BNC2: variants seen among roughly 807,000 people sequenced by gnomAD.
BNC2 encodes the protein zinc finger protein basonuclin-2.
BNC2 carries 20 observed loss-of-function variants against 76.3 expected under a neutral mutation model. The ratio of observed to expected loss-of-function variants is 0.26; its 90% confidence interval spans 0.18 to 0.38. The LOEUF is 0.38. Among genes scored for constraint, BNC2 ranks in the 10% least tolerant of loss-of-function variants. The pLI is 1.00. For missense variants in BNC2, 1,382 were observed against 1,399.8 expected (o/e 0.99, Z 0.20); for synonymous variants, 582 against 514.8 (o/e 1.13, Z -1.77).
At chr9:16,767,171 G>A (rs1242530492) in intron 1 of BNC2, among the ~76,000 whole-genome samples, 1 of 152,222 alleles carries the variant, frequency 6.6e-6, no homozygotes, top group Admixed American at 6.5e-5. Context: ...CAGAAAGCCA[G>A]ATGGTAGACT....
Position 16,665,458 on chromosome 9 carries a change from GAA to G in BNC2, c.330+62337_330+62338del, listed in dbSNP as rs753316072. ...GAAAAGAAAGAAAGAAAGAAAGAAA[GAA>G]AGAAAGAAAGAAAGAAAGAAAGAAA... On this transcript the variant is annotated intron_variant, in intron 3 of 6. Transcript: ENST00000380672. Among the ~76,000 whole-genome samples, 449 of 117,118 alleles carry G rather than the reference GAA, an allele frequency of 3.8e-3. 5 individuals carry two copies. The highest frequency in any genetic ancestry group is 0.014 in the African/African-American group (430 of 30,550). The allele number at this position is 117,118 out of a possible 152,430, so 76.8% of individuals were successfully genotyped here. A position where few individuals can be genotyped will look rare whatever the true frequency, so the allele number is the denominator to read the frequency against.
At chr9:16,629,283 C>T (rs1821091690) in intron 3 of BNC2, among the ~76,000 whole-genome samples, 1 of 152,110 alleles carries the variant, frequency 6.6e-6, no homozygotes, top group Non-Finnish European at 1.5e-5. Context: ...TTTATTTACA[C>T]CATAGTTGTG....
intron 3 of BNC2, chr9:16,726,949 G>A (rs1824345761): frequency 6.6e-6 from 1 of 152,278 alleles, no homozygotes; most frequent in South Asian, 2.1e-4. Flanking sequence ...GTATCACGGA[G>A]CGCATGGTAC....
At position 16,478,190 on chromosome 9, in the gene BNC2, T is replaced by C. The variant is rs147905481; in HGVS notation, c.670-40666A>G. 3.9e-5 allele frequency among the ~76,000 whole-genome samples: 6 copies of C among 152,292 alleles called. No individual in the cohort carries two copies. In the East Asian group the frequency reaches 9.7e-4, roughly 25 times the overall value. On this transcript the variant is annotated intron_variant, in intron 5 of 6. Transcript: ENST00000380672. ...TGAGATATTAACAAAAGCAATATGC[T>C]TCCTGGTCCACGTGGAAGCCCTTAC...
chr9:16,720,833 C>A (rs1824134691), intron 3 of BNC2, among the ~76,000 whole-genome samples: 1 of 152,104 alleles, frequency 6.6e-6, no homozygotes, highest in Non-Finnish European at 1.5e-5. Context: ...CGATTCCTCT[C>A]TTCTCCTGAT....
chr9:16,463,551 C>T (rs1221018207), intron 5 of BNC2, among the ~76,000 whole-genome samples: 1 of 143,590 alleles, frequency 7.0e-6, no homozygotes, highest in Non-Finnish European at 1.5e-5. Flanking sequence ...CCGCCTCGGC[C>T]TCCCAAAGTG....
chr9:16,556,758 C>G (rs997067574), intron 4 of BNC2, among the ~76,000 whole-genome samples: 1 of 136,256 alleles, frequency 7.3e-6, no homozygotes, highest in African/African-American at 3.3e-5. Context: ...CAGAGCGAGA[C>G]TCTAACTCAA....
At chr9:16,547,734 C>A (rs931193048) in intron 5 of BNC2, among the ~76,000 whole-genome samples, 5 of 152,082 alleles carry the variant, frequency 3.3e-5, no homozygotes, top group African/African-American at 4.8e-5. Flanking sequence ...ACCTTACATG[C>A]AAATAGCTCA....
intron 2 of BNC2, among the ~76,000 whole-genome samples, chr9:16,731,462 A>G (rs1824501613): frequency 6.6e-6 from 1 of 152,174 alleles, no homozygotes; most frequent in Non-Finnish European, 1.5e-5. Flanking sequence ...ACACCACATA[A>G]GTAGAAATAT....
intron 3 of BNC2, among the ~76,000 whole-genome samples, chr9:16,615,914 A>T (rs771941428): frequency 2.0e-5 from 3 of 152,212 alleles, no homozygotes; most frequent in Non-Finnish European, 4.4e-5. Flanking sequence ...ACTAAGGGTC[A>T]AGGAGATTAA....
At chr9:16,869,393 A>G (rs1349419824) in intron 1 of BNC2, among the ~76,000 whole-genome samples, 2 of 148,342 alleles carry the variant, frequency 1.3e-5, no homozygotes, top group African/African-American at 2.5e-5. Context: ...TACTGTAACC[A>G]CAGTCCTGGG....
At chr9:16,435,516 T>C (rs1587021426) in intron 6 of BNC2, 39 bp downstream of exon 6, 1 of 1,610,896 alleles carries the variant, frequency 6.2e-7, no homozygotes. Context: ...ACTGGCACCC[T>C]CCACCCCCAG....
At chr9:16,671,041 G>A (rs557283067) in intron 3 of BNC2, among the ~76,000 whole-genome samples, 1 of 152,214 alleles carries the variant, frequency 6.6e-6, no homozygotes, top group East Asian at 1.9e-4. Context: ...CGGCCATACG[G>A]ATCAAGGGAA....
chr9:16,710,514 C>G (rs1823805749), intron 3 of BNC2, among the ~76,000 whole-genome samples: 1 of 152,136 alleles, frequency 6.6e-6, no homozygotes, highest in African/African-American at 2.4e-5. Flanking sequence ...ACTATTTTCC[C>G]TTTTCATAAA....
chr9:16,601,024 C>T (rs1231145849), intron 3 of BNC2, among the ~76,000 whole-genome samples: 1 of 152,120 alleles, frequency 6.6e-6, no homozygotes, highest in African/African-American at 2.4e-5. Context: ...TTGGAAGGGG[C>T]AAGAGGAGTC....
At chr9:16,573,083 C>T (rs1819372631) in intron 4 of BNC2, among the ~76,000 whole-genome samples, 1 of 151,786 alleles carries the variant, frequency 6.6e-6, no homozygotes, top group Admixed American at 6.6e-5. Flanking sequence ...CAAAAATTAG[C>T]TGGGCGTGGT....
intron 1 of BNC2, among the ~76,000 whole-genome samples, chr9:16,819,961 C>T (rs759103509): frequency 3.3e-5 from 5 of 151,744 alleles, no homozygotes; most frequent in Non-Finnish European, 4.4e-5. Context: ...CCCAGCTCTA[C>T]TAAAAATACA....
intron 1 of BNC2, among the ~76,000 whole-genome samples, chr9:16,804,033 C>A (rs953141481): frequency 2.6e-5 from 4 of 152,182 alleles, no homozygotes; most frequent in African/African-American, 9.7e-5. Context: ...GCCTGAAAAA[C>A]AAGGAAATAC....
At chr9:16,554,934 A>T (rs1206584864) in intron 4 of BNC2, among the ~76,000 whole-genome samples, 2 of 152,238 alleles carry the variant, frequency 1.3e-5, no homozygotes, top group Non-Finnish European at 2.9e-5. Flanking sequence ...AAATACATGC[A>T]GGTGTGTGTG....
Sources: allele counts gnomAD v4.1 joint callset (sites outside exome capture counted in the v4.1 genomes callset), GRCh38; gene constraint gnomAD v4.1.1; transcripts MANE v1.5; gene names NCBI Gene and HGNC (gene_info 2026-07-23, HGNC 2026-07-21).